The following BRAF variants were observed in gnomAD, a reference collection of about 807,000 sequenced individuals.
The protein encoded by BRAF is B-Raf proto-oncogene, serine/threonine kinase.
A neutral mutation model predicts 104.6 loss-of-function variants in BRAF; 16 were observed. The observed-to-expected ratio is 0.15, with a 90% CI of 0.10 to 0.23. BRAF has a LOEUF of 0.23. BRAF is among the 10% of genes least tolerant of loss of function. The probability of loss-of-function intolerance (pLI) is 1.00; values close to 1 mark genes in which losing one functional copy is unlikely to be tolerated. For missense variants in BRAF, 541 were observed against 937.3 expected, an observed-to-expected ratio of 0.58 and a Z score of 5.52; for synonymous variants, 310 against 341.6, an observed-to-expected ratio of 0.91 and a Z score of 1.02.
chr7:140,886,965 G>A (rs1290158609), intron 1 of BRAF, among the ~76,000 whole-genome samples: 1 of 152,118 alleles, frequency 6.6e-6, no homozygotes, highest in Non-Finnish European at 1.5e-5. Context: ...AGAGGTACTG[G>A]AGGCAGGGAA....
At chr7:140,839,169 A>G (rs1019100747) in intron 2 of BRAF, among the ~76,000 whole-genome samples, 1 of 152,102 alleles carries the variant, frequency 6.6e-6, no homozygotes, top group Non-Finnish European at 1.5e-5. Flanking sequence ...ACCTCACAAC[A>G]TATCCAAAAA....
At chr7:140,907,053 T>C (rs1336249786) in intron 1 of BRAF, among the ~76,000 whole-genome samples, 2 of 152,230 alleles carry the variant, frequency 1.3e-5, no homozygotes, top group Non-Finnish European at 2.9e-5. Flanking sequence ...TTAAAGAAAT[T>C]AGATCTTATT....
intron 1 of BRAF, among the ~76,000 whole-genome samples, chr7:140,916,420 G>A (rs1817640695): frequency 6.6e-6 from 1 of 152,294 alleles, no homozygotes. Context: ...AAATATCACA[G>A]AACATGACAT....
chr7:140,847,600 C>CA (rs1251454697), intron 2 of BRAF, among the ~76,000 whole-genome samples: 3 of 151,398 alleles, frequency 2.0e-5, no homozygotes, highest in African/African-American at 7.3e-5. Flanking sequence ...AAAAAAAAGA[C>CA]AGACAATTGC....
At chr7:140,756,356 G>A (rs1798205623) in intron 14 of BRAF, among the ~76,000 whole-genome samples, 1 of 152,084 alleles carries the variant, frequency 6.6e-6, no homozygotes, top group African/African-American at 2.4e-5. Context: ...TAGAAGTCCA[G>A]GTCTGTAGAA....
intron 1 of BRAF, among the ~76,000 whole-genome samples, chr7:140,870,786 T>A (rs1409567104): frequency 1.3e-5 from 2 of 152,002 alleles, no homozygotes; most frequent in Non-Finnish European, 2.9e-5. Context: ...GCAGTAATTC[T>A]GGCTCACTTT....
chr7:140,797,246 T>C (rs1169897976), intron 7 of BRAF, among the ~76,000 whole-genome samples: 1 of 152,228 alleles, frequency 6.6e-6, no homozygotes, highest in Non-Finnish European at 1.5e-5. Flanking sequence ...TTAAAAGTTT[T>C]GAAAACTTTG....
chr7:140,775,250 A>T (rs767169141), intron 14 of BRAF, among the ~76,000 whole-genome samples: 24 of 152,220 alleles, frequency 1.6e-4, no homozygotes, highest in Non-Finnish European at 3.2e-4. Flanking sequence ...TGCTGAAGAA[A>T]TTGCAAAGAG....
In BRAF at chr7:140,923,445, C is replaced by CT. The variant is rs1170629359; in HGVS notation, c.138+1120dup. 2.0e-5 allele frequency among the ~76,000 whole-genome samples: 3 copies of CT among 151,986 alleles called. No homozygotes were observed. In the East Asian group the frequency reaches 5.8e-4, roughly 29 times the overall value. On this transcript the variant is annotated intron_variant, in intron 1 of 19. Coordinates refer to ENST00000644969, the MANE Select transcript of BRAF (RefSeq NM_001374258.1). ...AAAACGTAAATAATTTGACACAGTG[C>CT]TAAGAGGCTGACTAATGCAAAAACA...
intron 1 of BRAF, among the ~76,000 whole-genome samples, chr7:140,895,417 G>A (rs759877106): frequency 2.6e-5 from 4 of 152,086 alleles, no homozygotes; most frequent in Non-Finnish European, 5.9e-5. Flanking sequence ...AGAAACATTC[G>A]TCATTTCTTT....
chr7:140,796,683 G>C (rs1802526481), intron 7 of BRAF, among the ~76,000 whole-genome samples: 1 of 152,200 alleles, frequency 6.6e-6, no homozygotes, highest in African/African-American at 2.4e-5. Context: ...TAATAGTTGT[G>C]TCTTGGTCCA....
intron 19 of BRAF, chr7:140,730,735 G>T (rs1325791352): frequency 7.0e-6 from 1 of 143,244 alleles, no homozygotes; most frequent in African/African-American, 2.5e-5. Flanking sequence ...AAAAAAAAAA[G>T]ACCCTGTGAT....
chr7:140,823,803 C>T (rs1342534880), intron 3 of BRAF: 1 of 152,198 alleles, frequency 6.6e-6, no homozygotes, highest in Admixed American at 6.5e-5. Flanking sequence ...CCAATTTCTC[C>T]ACACCCTTGC....
chr7:140,757,937 A>G (rs1798341604), intron 14 of BRAF, among the ~76,000 whole-genome samples: 1 of 152,216 alleles, frequency 6.6e-6, no homozygotes, highest in African/African-American at 2.4e-5. Context: ...CTTATCCTTA[A>G]GAAAACAATG....
intron 1 of BRAF, among the ~76,000 whole-genome samples, chr7:140,854,196 A>T (rs1204508303): frequency 6.6e-6 from 1 of 152,126 alleles, no homozygotes; most frequent in African/African-American, 2.4e-5. Context: ...ATCTTTCCTT[A>T]GAGCATCCCT....
At chr7:140,731,521 G>T (rs1296569820) in intron 19 of BRAF, 1 of 152,072 alleles carries the variant, frequency 6.6e-6, no homozygotes, top group Non-Finnish European at 1.5e-5. Flanking sequence ...TTTTAAAAAG[G>T]CACATAATTT....
At position 140,722,734 on chromosome 7, in the gene BRAF, A is replaced by C; in HGVS notation, c.*3760T>G. 9.5e-7 allele frequency: 1 copy of C among 1,050,530 alleles called. No homozygotes were observed. The highest frequency in any genetic ancestry group is 1.1e-6 in the Non-Finnish European group (1 of 870,084). 65.1% of individuals were successfully genotyped at this position (1,050,530 alleles called of 1,614,324 possible). On this transcript the variant is annotated 3_prime_UTR_variant, in exon 20 of 20. Coordinates refer to ENST00000644969, the MANE Select transcript of BRAF (RefSeq NM_001374258.1). ...GTGACAAAGCTGCAGCAAACTCATT[A>C]TGAGGATGTACTGTCATGCCAAGCC...
intron 2 of BRAF, among the ~76,000 whole-genome samples, chr7:140,844,829 C>T (rs568694718): frequency 1.8e-4 from 27 of 151,656 alleles, no homozygotes; most frequent in African/African-American, 6.3e-4. Context: ...GGCTGAGGCA[C>T]GAGAATCACT....
chr7:140,750,963 GA>G (rs1797740385), intron 16 of BRAF, among the ~76,000 whole-genome samples: 2 of 152,102 alleles, frequency 1.3e-5, no homozygotes, highest in Non-Finnish European at 2.9e-5. Context: ...ACAAAGTTGA[GA>G]AGAACATTGT....
Sources: allele counts gnomAD v4.1 joint callset (sites outside exome capture counted in the v4.1 genomes callset), GRCh38; gene constraint gnomAD v4.1.1; transcripts MANE v1.5; gene names NCBI Gene and HGNC (gene_info 2026-07-23, HGNC 2026-07-21).